ZFP64: variants seen among roughly 807,000 people sequenced by gnomAD.
ZFP64 encodes ZFP64 zinc finger protein.
Under a neutral mutation model 51.6 loss-of-function variants are expected in ZFP64, and 14 were observed. The observed-to-expected ratio is 0.27, with a 90% CI of 0.18 to 0.42. The LOEUF (loss-of-function observed/expected upper bound fraction) is 0.42, where lower values mean the gene tolerates loss of function less well. ZFP64 is among the 10% of genes least tolerant of loss of function. ZFP64 has a pLI of 1.00. For missense variants in ZFP64, 754 were observed against 906.8 expected (o/e 0.83, Z 2.16); for synonymous variants, 375 against 361.4 (o/e 1.04, Z -0.43).
chr20:52,133,086 C>T (rs901969935), intron 5 of ZFP64, among the ~76,000 whole-genome samples: 10 of 152,028 alleles, frequency 6.6e-5, no homozygotes, highest in Admixed American at 3.3e-4. Flanking sequence ...ATCATATAAA[C>T]AGAATGAAGG....
In ZFP64 at chr20:52,085,407, T is replaced by C. The variant is rs2078853877; in HGVS notation, c.1229-141A>G. The stretch of plus-strand genomic sequence containing the variant: ...CCCAACCTCCTAATGACAACACTTG[T>C]TGTGCATATTAATGCAATCCTCACA... On this transcript the variant is annotated intron_variant, in intron 8 of 8. Coordinates refer to the ZFP64 transcript ENST00000361387. This position sits in a 1 kb window ranked among gnomAD's most constrained non-coding sequence, Gnocchi z 4.3. The C allele has an allele frequency of 3.4e-6, 3 of 890,058 alleles. No individual in the cohort carries two copies. Among genetic ancestry groups the C allele is most frequent in the South Asian group, 3.5e-5 (2 of 56,388 alleles). 55.1% of individuals were successfully genotyped at this position (890,058 alleles called of 1,614,324 possible).
intron 5 of ZFP64, among the ~76,000 whole-genome samples, chr20:52,154,852 T>A (rs1356378783): frequency 6.6e-6 from 1 of 152,082 alleles, no homozygotes; most frequent in Admixed American, 6.6e-5. Context: ...TAGGGGTGAG[T>A]ATTTGTGATA....
chr20:52,158,315 G>C (rs2122987669), intron 5 of ZFP64, among the ~76,000 whole-genome samples: 1 of 152,312 alleles, frequency 6.6e-6, no homozygotes, highest in Non-Finnish European at 1.5e-5. Flanking sequence ...CTTTAAGGCT[G>C]ATCCTATGAT....
chr20:52,088,122 C>T (rs532586650), intron 8 of ZFP64: 3 of 512,962 alleles, frequency 5.8e-6, no homozygotes, highest in Non-Finnish European at 1.0e-5. Context: ...ACTTGAGATA[C>T]ATCATTGGCT....
At position 52,143,940 on chromosome 20, in the gene ZFP64, C is replaced by A. The variant is rs1440556094; in HGVS notation, c.763+16183G>T. 4.9e-5 allele frequency among the ~76,000 whole-genome samples: 7 copies of A among 143,290 alleles called. 2 individuals are homozygous for A. The highest frequency in any genetic ancestry group is 1.1e-4 in the Non-Finnish European group (7 of 64,398). 94.0% of individuals were successfully genotyped at this position (143,290 alleles called of 152,430 possible). A position where few individuals can be genotyped will look rare whatever the true frequency, so the allele number is the denominator to read the frequency against. ...ACAGATTTCGTTTGATGGAACACAGCTAATTACTACTCTGGAGATACTGAC... is the reference window on the plus strand; with the variant it reads ...ACAGATTTCGTTTGATGGAACACAGATAATTACTACTCTGGAGATACTGAC... On this transcript the variant is annotated intron_variant, in intron 5 of 8. Coordinates refer to the ZFP64 transcript ENST00000361387.
chr20:52,147,789 C>T (rs553989179), downstream of ZFP64, among the ~76,000 whole-genome samples: 2 of 152,054 alleles, frequency 1.3e-5, no homozygotes, highest in East Asian at 3.9e-4. Context: ...CCGAGGCAGG[C>T]GGATCACTTG....
In ZFP64 at chr20:52,155,398, A is replaced by T. The variant is rs1054022250; in HGVS notation, c.764-1970T>A. 3.9e-5 allele frequency among the ~76,000 whole-genome samples: 6 copies of T among 152,228 alleles called. No homozygotes were observed. The South Asian group carries it at 1.2e-3, about 32-fold the overall frequency. ...CCCCCATTCAAGGACCTCCTTCCCA[A>T]ATCTACTCATGGATTTCTCAGGGGC... On this transcript the variant is annotated intron_variant, in intron 5 of 5. Coordinates refer to ENST00000216923, the MANE Select transcript of ZFP64 (RefSeq NM_018197.3).
intron 5 of ZFP64, among the ~76,000 whole-genome samples, chr20:52,140,039 A>G (rs1156916090): frequency 6.6e-6 from 1 of 151,884 alleles, no homozygotes; most frequent in Non-Finnish European, 1.5e-5. Flanking sequence ...CTTTGGTATT[A>G]CTGTTGTAAT....
At chr20:52,084,779 G>A (rs754992956) in exon 9 of ZFP64, 2 of 1,614,196 alleles carry the variant, frequency 1.2e-6, no homozygotes, top group East Asian at 2.2e-5. Flanking sequence ...TCACGATCTT[G>A]GCCACGTGCT....
At chr20:52,105,302 A>G in intron 5 of ZFP64, 1 of 1,260,380 alleles carries the variant, frequency 7.9e-7, no homozygotes, top group Non-Finnish European at 1.0e-6. Context: ...GAATTCCCGG[A>G]GTTCGGAAAT....
chr20:52,161,912 G>A (rs572497366), intron 4 of ZFP64, among the ~76,000 whole-genome samples: 2 of 152,246 alleles, frequency 1.3e-5, no homozygotes, highest in East Asian at 1.9e-4. Context: ...TCACCAAATC[G>A]TAACTAGCCA....
rs1980970554 is a variant in ZFP64, at chr20:52,152,848, A to T, written c.1344T>A (p.Ser448Arg). ...DSLRSHKRQHSEYSESKNSDV... is the reference protein window; with the variant it reads ...DSLRSHKRQHREYSESKNSDV... Reference sequence around the variant, plus strand: ...CCGAGTTCTTACTCTCACTGTACTCACTGTGCTGTCTCTTGTGGCTGCGGA... The same window carrying T: ...CCGAGTTCTTACTCTCACTGTACTCTCTGTGCTGTCTCTTGTGGCTGCGGA... The change falls in exon 6 of 6, where the codon AGT (serine) becomes AGA (arginine). Residue 448 changes from serine (S) to arginine (R), a missense_variant. This residue lies in a region of ZFP64 where 428 missense variants were observed against 472.4 expected (regional missense o/e 0.91). Transcript: ENST00000216923. 1 of 1,614,138 alleles carries T rather than the reference A, an allele frequency of 6.2e-7. No homozygotes were observed. The highest frequency in any genetic ancestry group is 1.7e-5 in the Admixed American group (1 of 60,020).
At chr20:52,181,696 A>T (rs566387427) in intron 2 of ZFP64, among the ~76,000 whole-genome samples, 3 of 152,226 alleles carry the variant, frequency 2.0e-5, no homozygotes, top group Admixed American at 2.0e-4. Flanking sequence ...TGAGATCCGG[A>T]ATCCCCCAGG....
rs555851565 is a variant in ZFP64, at chr20:52,175,411, C to A, written c.287-9386G>T. ...GTGCTGGGAGTCCAGGCAAGCGCCA[C>A]CGCGCCCAGCAGGATATTATCATAT... On this transcript the variant is annotated intron_variant, in intron 2 of 5. Coordinates refer to ENST00000216923, the MANE Select transcript of ZFP64 (RefSeq NM_018197.3). Among the ~76,000 whole-genome samples the A allele has an allele frequency of 6.4e-4, 98 of 152,380 alleles. 1 individual carries two copies. The highest frequency in any genetic ancestry group is 2.3e-3 in the African/African-American group (94 of 41,598).
At position 52,160,914 on chromosome 20, in the gene ZFP64, T is replaced by C. The variant is rs75945925; in HGVS notation, c.512-540A>G. Among the ~76,000 whole-genome samples, 1 of 152,124 alleles carries C rather than the reference T, an allele frequency of 6.6e-6. No homozygotes were observed. Among genetic ancestry groups the C allele is most frequent in the African/African-American group, 2.4e-5 (1 of 41,394 alleles). ...AGAGGAAACGGCTTGCCTTTTACATTTTCTCTTTTCCTGCTTCTAGCCAAG... is the reference window on the plus strand; with the variant it reads ...AGAGGAAACGGCTTGCCTTTTACATCTTCTCTTTTCCTGCTTCTAGCCAAG... On this transcript the variant is annotated intron_variant, in intron 4 of 5. Transcript: ENST00000216923. The surrounding 1 kb of genome is among the most constrained non-coding windows in gnomAD (Gnocchi z 4.2).
At chr20:52,098,851 A>T (rs2079020474) in intron 5 of ZFP64, among the ~76,000 whole-genome samples, 1 of 151,902 alleles carries the variant, frequency 6.6e-6, no homozygotes, top group Non-Finnish European at 1.5e-5. Flanking sequence ...AAAATACAAG[A>T]ATCAGCCAGG....
intron 5 of ZFP64, chr20:52,104,995 C>T (rs1234682646): frequency 3.2e-5 from 34 of 1,053,034 alleles, no homozygotes; most frequent in Non-Finnish European, 4.3e-5. Context: ...CGCCCAGGTC[C>T]GAGTCCCAGG....
At chr20:52,169,485 C>G (rs563655481) in intron 2 of ZFP64, among the ~76,000 whole-genome samples, 1 of 152,226 alleles carries the variant, frequency 6.6e-6, no homozygotes, top group East Asian at 1.9e-4. Context: ...CAGGTCCTCC[C>G]TACAAGTCAG....
At chr20:52,127,509 C>T (rs1420320046) in intron 5 of ZFP64, among the ~76,000 whole-genome samples, 3 of 152,156 alleles carry the variant, frequency 2.0e-5, no homozygotes, top group Admixed American at 6.5e-5. Flanking sequence ...CCCTTTCACT[C>T]GGCACTTCTC....
Sources: allele counts gnomAD v4.1 joint callset (sites outside exome capture counted in the v4.1 genomes callset), GRCh38; gene constraint gnomAD v4.1.1; regional missense constraint gnomAD v4.1.1; non-coding constraint Gnocchi (gnomAD v3.1); transcripts MANE v1.5; gene names NCBI Gene and HGNC (gene_info 2026-07-23, HGNC 2026-07-21).